RB1CC1: variants seen among roughly 807,000 people sequenced by gnomAD.
The protein encoded by RB1CC1 is RB1-inducible coiled-coil protein 1.
In RB1CC1, 46 loss-of-function variants were observed where a neutral mutation model predicts 177.5. That is an observed-to-expected ratio of 0.26 (90% confidence interval 0.20 to 0.33). The LOEUF is 0.33. Among genes scored for constraint, RB1CC1 ranks in the 10% least tolerant of loss-of-function variants. RB1CC1 has a pLI of 1.00. For synonymous variants in RB1CC1, 666 were observed against 613.6 expected, an observed-to-expected ratio of 1.09 and a Z score of -1.26; for missense variants, 1,703 against 1,816.3, an observed-to-expected ratio of 0.94 and a Z score of 1.13.
At chr8:52,680,161 T>TA (rs775128635) in intron 5 of RB1CC1, among the ~76,000 whole-genome samples, 6 of 151,626 alleles carry the variant, frequency 4.0e-5, no homozygotes, top group Admixed American at 6.6e-5. Context: ...GAATTAAAAG[T>TA]AAAAAAAACT....
intron 7 of RB1CC1, 64 bp downstream of exon 7, chr8:52,673,781 T>G: frequency 7.2e-7 from 1 of 1,395,370 alleles, no homozygotes; most frequent in Non-Finnish European, 9.6e-7. Context: ...GTACATAAAA[T>G]ATTTAGGATA....
chr8:52,652,992 G>C (rs1472983231), intron 15 of RB1CC1, among the ~76,000 whole-genome samples: 1 of 152,160 alleles, frequency 6.6e-6, no homozygotes. Context: ...GGGAGGCAGA[G>C]GTTGTGGTGA....
chr8:52,631,091 C>T (rs1399609133), intron 20 of RB1CC1, among the ~76,000 whole-genome samples: 1 of 152,040 alleles, frequency 6.6e-6, no homozygotes, highest in Non-Finnish European at 1.5e-5. Flanking sequence ...TTAGCTTAGA[C>T]CTAAACTTTT....
chr8:52,675,295 A>C (rs1464328100), intron 6 of RB1CC1, among the ~76,000 whole-genome samples: 1 of 152,216 alleles, frequency 6.6e-6, no homozygotes, highest in Non-Finnish European at 1.5e-5. Context: ...AATTTAAAAA[A>C]ATCAAAGAAA....
intron 15 of RB1CC1, among the ~76,000 whole-genome samples, chr8:52,649,577 A>T (rs1025541745): frequency 2.0e-5 from 3 of 152,224 alleles, no homozygotes; most frequent in African/African-American, 7.2e-5. Context: ...CAGAGGTGGC[A>T]GTAAGCCGAG....
intron 7 of RB1CC1, 141 bp from the exon 8 acceptor site, chr8:52,668,332 A>G (rs546690387): frequency 1.1e-6 from 1 of 916,918 alleles, no homozygotes; most frequent in Admixed American, 2.8e-5. Flanking sequence ...TCTAAGTTAT[A>G]CTTTCATAAG....
At chr8:52,630,665 T>C (rs1002852697) in intron 20 of RB1CC1, 137 bp from the exon 21 acceptor site, 6 of 759,968 alleles carry the variant, frequency 7.9e-6, no homozygotes, top group Non-Finnish European at 9.3e-6. Context: ...ATAGTTCTTA[T>C]GTTCATTAAT....
chr8:52,687,045 T>C, intron 1 of RB1CC1, 78 bp from the exon 2 acceptor site: 1 of 433,914 alleles, frequency 2.3e-6, no homozygotes, highest in Admixed American at 2.7e-5. Context: ...CCTTTCTTCC[T>C]TTTAAAACTA....
chr8:52,647,950 C>A (rs1850203514), intron 15 of RB1CC1, among the ~76,000 whole-genome samples: 1 of 152,040 alleles, frequency 6.6e-6, no homozygotes, highest in Admixed American at 6.6e-5. Context: ...AAGTGTGGTT[C>A]AAATTGTGCA....
intron 1 of RB1CC1, among the ~76,000 whole-genome samples, chr8:52,689,823 ATCT>A (rs908102001): frequency 5.3e-5 from 8 of 151,882 alleles, no homozygotes; most frequent in African/African-American, 1.9e-4. Context: ...CCTCATACAC[ATCT>A]TCTTCCAGAC....
At chr8:52,699,804 C>CAAAAAAAAAA (rs1172604874) in intron 1 of RB1CC1, among the ~76,000 whole-genome samples, 4 of 38,546 alleles carry the variant, frequency 1.0e-4, no homozygotes, top group African/African-American at 3.3e-4. Context: ...ATCTCCGTCT[C>CAAAAAAAAAA]AAAAAAAAAA....
In RB1CC1 at chr8:52,622,579, GAAGA is replaced by G. The variant is rs1848131991; in HGVS notation, c.*1199_*1202del. ...AAAAAAATATTTAACTTATTTTTAT[GAAGA>G]AATTAAATATTTTCTGAAAAAGAAT... On this transcript the variant is annotated 3_prime_UTR_variant, in exon 24 of 24. Coordinates refer to ENST00000025008, the MANE Select transcript of RB1CC1 (RefSeq NM_014781.5). 6.6e-6 allele frequency: 1 copy of G among 151,798 alleles called. No homozygotes were observed. Among genetic ancestry groups the G allele is most frequent in the South Asian group, 2.1e-4 (1 of 4,826 alleles). The allele number at this position is 151,798 out of a possible 1,614,324, so 9.4% of individuals were successfully genotyped here.
rs575597955 is a variant in RB1CC1, at chr8:52,640,449, C to A, written c.4337+1902G>T. 2.0e-4 allele frequency among the ~76,000 whole-genome samples: 31 copies of A among 152,330 alleles called. 1 individual carries two copies. In the South Asian group the frequency reaches 6.4e-3, roughly 32 times the overall value. On this transcript the variant is annotated intron_variant, in intron 18 of 23. Transcript: ENST00000025008. Reference sequence around the variant, plus strand: ...CTCTAATTTGAATGTACACATGTAACTACATCACACTGTAAACCATAAATA... The same window carrying A: ...CTCTAATTTGAATGTACACATGTAAATACATCACACTGTAAACCATAAATA...
chr8:52,654,796 G>C (rs532396172), intron 15 of RB1CC1, among the ~76,000 whole-genome samples: 1 of 151,916 alleles, frequency 6.6e-6, no homozygotes, highest in Non-Finnish European at 1.5e-5. Flanking sequence ...TTATTGCCCT[G>C]GCCTGCCTTC....
intron 13 of RB1CC1, 53 bp downstream of exon 13, chr8:52,658,820 T>C (rs1388287696): frequency 1.5e-6 from 2 of 1,310,768 alleles, no homozygotes; most frequent in African/African-American, 3.1e-5. Flanking sequence ...AACTCCAGAA[T>C]AATAAAAACA....
At chr8:52,625,444 T>C (rs776685113) in intron 22 of RB1CC1, among the ~76,000 whole-genome samples, 3 of 152,156 alleles carry the variant, frequency 2.0e-5, no homozygotes, top group Non-Finnish European at 4.4e-5. Flanking sequence ...AGCCAAGTGG[T>C]ACCCATTCTC....
chr8:52,683,728 T>A lies in RB1CC1; in HGVS notation c.199-9A>T, dbSNP rs775346332. 1 of 1,567,112 alleles carries A rather than the reference T, an allele frequency of 6.4e-7. No individual in the cohort carries two copies. Among genetic ancestry groups the A allele is most frequent in the Non-Finnish European group, 8.6e-7 (1 of 1,157,154 alleles). ...AAAATTGGATTTGTATCCTATATTTTTTAAAAAAGGAGAAATAACCAAAAT... is the reference window on the plus strand; with the variant it reads ...AAAATTGGATTTGTATCCTATATTTATTAAAAAAGGAGAAATAACCAAAAT... On this transcript the variant is annotated splice_polypyrimidine_tract_variant and intron_variant, in intron 4 of 23. Coordinates refer to ENST00000025008, the MANE Select transcript of RB1CC1 (RefSeq NM_014781.5).
rs557359546 is a variant in RB1CC1, at chr8:52,632,459, T to C, written c.4441-1931A>G. 3.9e-5 allele frequency among the ~76,000 whole-genome samples: 6 copies of C among 152,324 alleles called. No individual in the cohort carries two copies. In the East Asian group the frequency reaches 9.6e-4, roughly 24 times the overall value. On this transcript the variant is annotated intron_variant, in intron 20 of 23. Transcript: ENST00000025008. ...TTACTAAAATTATCCAGACAAATGG[T>C]CTATATCCTGCCAGTGAAGATAAGA...
chr8:52,640,320 T>C (rs1030730669), intron 18 of RB1CC1, among the ~76,000 whole-genome samples: 1 of 152,096 alleles, frequency 6.6e-6, no homozygotes, highest in Non-Finnish European at 1.5e-5. Context: ...GAGGAATAAG[T>C]TTTGGTGTTC....
Sources: allele counts gnomAD v4.1 joint callset (sites outside exome capture counted in the v4.1 genomes callset), GRCh38; gene constraint gnomAD v4.1.1; transcripts MANE v1.5; gene names NCBI Gene and HGNC (gene_info 2026-07-23, HGNC 2026-07-21).